CCDC30: variants seen among roughly 807,000 people sequenced by gnomAD.
CCDC30 encodes the protein coiled-coil domain-containing protein 30.
A neutral mutation model predicts 100.2 loss-of-function variants in CCDC30; 70 were observed. The ratio of observed to expected loss-of-function variants is 0.70; its 90% CI spans 0.58 to 0.85. The LOEUF is 0.85. Ranked by LOEUF, CCDC30 falls within the 40% of genes least tolerant of loss-of-function variation. CCDC30 has a pLI of 0.00. For missense variants in CCDC30, 652 were observed against 771.2 expected, an observed-to-expected ratio of 0.85 and a Z score of 1.83; for synonymous variants, 233 against 269.5, an observed-to-expected ratio of 0.86 and a Z score of 1.33.
At chr1:42,535,727 A>ATATATATATTATATATATATAAT (rs1435467963) in intron 6 of CCDC30, among the ~76,000 whole-genome samples, 2 of 2,668 alleles carry the variant, frequency 7.5e-4, no homozygotes, top group Non-Finnish European at 1.6e-3. Flanking sequence ...ATAAATTTTA[A>ATATATATATTATATATATATAAT]AAAATTAAAA....
chr1:42,515,852 C>G (rs1644547999), intron 6 of CCDC30, among the ~76,000 whole-genome samples: 1 of 152,162 alleles, frequency 6.6e-6, no homozygotes, highest in African/African-American at 2.4e-5. Flanking sequence ...ATGATGTCTT[C>G]AAGGTTCATC....
At chr1:42,460,019 AAATG>A, upstream of CCDC30, 2 of 1,456,970 alleles carry the variant, frequency 1.4e-6, no homozygotes, top group East Asian at 2.4e-5. Context: ...TGGACAGATA[AAATG>A]AAAGAAAGGG....
chr1:42,545,161 TTAA>T (rs374583567), intron 6 of CCDC30, among the ~76,000 whole-genome samples: 19,596 of 64,242 alleles, frequency 0.31, 2,007 homozygotes, highest in South Asian at 0.47. Flanking sequence ...AAAAATACCT[TTAA>T]AAAAAAAAAA....
intron 10 of CCDC30, among the ~76,000 whole-genome samples, chr1:42,598,840 C>T (rs12402982): frequency 0.39 from 58,834 of 151,706 alleles, 11,851 homozygotes; most frequent in Non-Finnish European, 0.44. Context: ...ACAGGAGGAT[C>T]GCTTGAGACC....
chr1:42,542,174 A>G lies in CCDC30; in HGVS notation c.457-24122A>G, dbSNP rs912257685. On this transcript the variant is annotated intron_variant, in intron 6 of 16. Coordinates refer to ENST00000668663, the Ensembl canonical transcript of CCDC30. Reference sequence around the variant, plus strand: ...GAGTTGGTCCTGTTCCACAATAGCCATGTCATGGAGGGTCTGATGGCTTTA... The same window carrying G: ...GAGTTGGTCCTGTTCCACAATAGCCGTGTCATGGAGGGTCTGATGGCTTTA... Among the ~76,000 whole-genome samples the G allele has an allele frequency of 7.2e-5, 11 of 152,350 alleles. 2 individuals carry two copies. The highest frequency in any genetic ancestry group is 7.2e-4 in the Admixed American group (11 of 15,306).
chr1:42,648,945 T>C (rs1212548279), intron 15 of CCDC30, among the ~76,000 whole-genome samples: 2 of 151,944 alleles, frequency 1.3e-5, no homozygotes, highest in Non-Finnish European at 2.9e-5. Context: ...TAGGAAAACC[T>C]AGAAGAAATG....
chr1:42,532,544 G>A (rs1378903575), intron 6 of CCDC30, among the ~76,000 whole-genome samples: 1 of 152,132 alleles, frequency 6.6e-6, no homozygotes, highest in Non-Finnish European at 1.5e-5. Context: ...AATATATTGA[G>A]CATCTATCAT....
chr1:42,549,694 T>G (rs1645211227), intron 6 of CCDC30, among the ~76,000 whole-genome samples: 1 of 152,156 alleles, frequency 6.6e-6, no homozygotes, highest in Non-Finnish European at 1.5e-5. Context: ...ACAAAATATT[T>G]GAGTAAATGA....
At chr1:42,607,896 C>A (rs1646534983) in intron 10 of CCDC30, among the ~76,000 whole-genome samples, 3 of 152,194 alleles carry the variant, frequency 2.0e-5, no homozygotes, top group Admixed American at 2.0e-4. Flanking sequence ...CAAGGGACTG[C>A]CTTTTAAGGT....
At chr1:42,495,123 T>C (rs1644210933) in intron 4 of CCDC30, among the ~76,000 whole-genome samples, 1 of 149,426 alleles carries the variant, frequency 6.7e-6, no homozygotes, top group Non-Finnish European at 1.5e-5. Context: ...CCAACAATGA[T>C]AGACTGGATT....
intron 11 of CCDC30, among the ~76,000 whole-genome samples, chr1:42,634,784 A>G (rs1647116909): frequency 2.6e-5 from 4 of 152,190 alleles, no homozygotes. Flanking sequence ...TGTTACCACA[A>G]TCAACATTAG....
intron 9 of CCDC30, among the ~76,000 whole-genome samples, chr1:42,586,656 G>A (rs1049265963): frequency 2.6e-5 from 4 of 152,140 alleles, no homozygotes; most frequent in Non-Finnish European, 4.4e-5. Flanking sequence ...TTCTCATGCA[G>A]AATATATCAA....
chr1:42,564,110 G>A lies in CCDC30; in HGVS notation c.457-2186G>A, dbSNP rs951005416. Among the ~76,000 whole-genome samples, 12 of 152,248 alleles carry A rather than the reference G, an allele frequency of 7.9e-5. No individual in the cohort carries two copies. The East Asian group carries it at 1.5e-3, about 20-fold the overall frequency. On this transcript the variant is annotated intron_variant, in intron 6 of 16. Coordinates refer to ENST00000668663, the Ensembl canonical transcript of CCDC30. ...TGGGCTTTTTAGAAAGTTGTAGACAGGAGCATACTGGACCAGGACTAAGGA... is the reference window on the plus strand; with the variant it reads ...TGGGCTTTTTAGAAAGTTGTAGACAAGAGCATACTGGACCAGGACTAAGGA...
intron 6 of CCDC30, among the ~76,000 whole-genome samples, chr1:42,527,350 T>C (rs1274528273): frequency 1.3e-5 from 2 of 152,188 alleles, no homozygotes; most frequent in Non-Finnish European, 2.9e-5. Flanking sequence ...GGAGCACACT[T>C]TGGAAACAGT....
At chr1:42,571,637 C>T (rs1645735722) in intron 7 of CCDC30, among the ~76,000 whole-genome samples, 2 of 152,116 alleles carry the variant, frequency 1.3e-5, no homozygotes, top group African/African-American at 4.8e-5. Context: ...ACATTTTTTC[C>T]TGTTGACCTA....
At chr1:42,554,554 GAC>G (rs202240331) in intron 6 of CCDC30, among the ~76,000 whole-genome samples, 20,578 of 152,112 alleles carry the variant, frequency 0.14, 1,514 homozygotes, top group East Asian at 0.17. Context: ...TGGGATTACA[GAC>G]GTGAGCCACC....
At chr1:42,578,946 G>T (rs958488503) in intron 8 of CCDC30, among the ~76,000 whole-genome samples, 1 of 152,142 alleles carries the variant, frequency 6.6e-6, no homozygotes, top group East Asian at 1.9e-4. Flanking sequence ...TGCCTATGGG[G>T]TAGCCCTGCT....
intron 11 of CCDC30, among the ~76,000 whole-genome samples, chr1:42,632,434 T>C (rs112859210): frequency 0.016 from 2,396 of 151,578 alleles, 50 homozygotes; most frequent in African/African-American, 0.052. Flanking sequence ...GTCACTGTAC[T>C]CTAACCTGGG....
At chr1:42,530,114 G>A (rs1644784281) in intron 6 of CCDC30, among the ~76,000 whole-genome samples, 1 of 152,164 alleles carries the variant, frequency 6.6e-6, no homozygotes, top group Admixed American at 6.5e-5. Flanking sequence ...TCATGGCTCA[G>A]TGATCCAAGA....
Sources: allele counts gnomAD v4.1 joint callset (sites outside exome capture counted in the v4.1 genomes callset), GRCh38; gene constraint gnomAD v4.1.1; transcripts MANE v1.5; gene names NCBI Gene and HGNC (gene_info 2026-07-23, HGNC 2026-07-21).